ADA2: variants seen among roughly 807,000 people sequenced by gnomAD.
ADA2 encodes the protein adenosine deaminase CECR1.
In ADA2, 29 loss-of-function variants were observed where a neutral mutation model predicts 44.2. That is an observed-to-expected ratio of 0.66 (90% CI 0.49 to 0.89). ADA2 has a LOEUF of 0.89. ADA2 is among the 40% of genes least tolerant of loss of function. The probability of loss-of-function intolerance (pLI) is 0.00; values close to 1 mark genes in which losing one functional copy is unlikely to be tolerated. For synonymous variants in ADA2, 215 were observed against 234.9 expected (o/e 0.92, Z 0.77); for missense variants, 637 against 644.8 (o/e 0.99, Z 0.13).
chr22:17,188,576 CTTT>C, intron 6 of ADA2, 129 bp from the exon 7 acceptor site: 1 of 621,118 alleles, frequency 1.6e-6, no homozygotes, highest in Non-Finnish European at 2.8e-6. Flanking sequence ...GTCACACAGC[CTTT>C]TAAGAATGAC....
At chr22:17,185,001 T>TATATATATATATATATATATATATAG (rs2062019784) in intron 7 of ADA2, among the ~76,000 whole-genome samples, 1 of 134,502 alleles carries the variant, frequency 7.4e-6, no homozygotes, top group Non-Finnish European at 1.6e-5. Context: ...TATATATATA[T>TATATATATATATATATATATATATAG]ATATATGAAA....
rs948051197 is a variant in ADA2 at position 17,213,681 on chromosome 22, T to C, written c.-46-3958A>G. The C allele has an allele frequency of 9.0e-5, 23 of 254,266 alleles. 1 individual carries two copies. The highest frequency in any genetic ancestry group is 5.1e-4 in the Admixed American group (10 of 19,446). 15.8% of individuals were successfully genotyped at this position (254,266 alleles called of 1,614,324 possible). ...GGAGAAGCAGCACGGCCTGGACAAG[T>C]GGACCCCGGCCCGCGCAGCCTTTGA... On this transcript the variant is annotated intron_variant, in intron 1 of 9. Transcript: ENST00000399837.
At chr22:17,188,886 T>TATATATATATATATATATAC (rs1491152456) in intron 6 of ADA2, among the ~76,000 whole-genome samples, 1 of 59,590 alleles carries the variant, frequency 1.7e-5, no homozygotes, top group Non-Finnish European at 3.8e-5. Flanking sequence ...TATATATATA[T>TATATATATATATATATATAC]TTTGTAAAGA....
chr22:17,211,832 G>T (rs2062421536), intron 1 of ADA2, among the ~76,000 whole-genome samples: 1 of 151,798 alleles, frequency 6.6e-6, no homozygotes, highest in African/African-American at 2.4e-5. Context: ...GGAGCCTGAG[G>T]CAGGAGAATT....
chr22:17,199,126 C>G lies in ADA2; in HGVS notation c.753+4437G>C, dbSNP rs548290105. The stretch of plus-strand genomic sequence containing the variant: ...AAATGGGCACATCCCCTCCCCCTCC[C>G]CCTCCACCAGAATCCCAAATCCTAG... On this transcript the variant is annotated intron_variant, in intron 4 of 9. Coordinates refer to ENST00000399837, the MANE Select transcript of ADA2 (RefSeq NM_001282225.2). Among the ~76,000 whole-genome samples, 31 of 152,250 alleles carry G rather than the reference C, an allele frequency of 2.0e-4. No individual in the cohort carries two copies. The South Asian group carries it at 6.4e-3, about 32-fold the overall frequency.
intron 1 of ADA2, among the ~76,000 whole-genome samples, chr22:17,211,943 A>T (rs912709448): frequency 1.3e-5 from 2 of 151,316 alleles, no homozygotes; most frequent in African/African-American, 2.4e-5. Context: ...AGAGGAAAAA[A>T]AAATTAATTA....
intron 3 of ADA2, among the ~76,000 whole-genome samples, chr22:17,206,473 G>T (rs1259841321): frequency 6.6e-6 from 1 of 151,980 alleles, no homozygotes; most frequent in South Asian, 2.1e-4. Flanking sequence ...GCAAGACCCT[G>T]TCTCAAATAA....
chr22:17,186,924 T>TG (rs1568970406), intron 7 of ADA2, among the ~76,000 whole-genome samples: 2 of 151,146 alleles, frequency 1.3e-5, no homozygotes, highest in Non-Finnish European at 1.5e-5. Context: ...CCCAGCACTT[T>TG]GGGAGGCCTA....
At chr22:17,188,980 A>G (rs9606642) in intron 6 of ADA2, among the ~76,000 whole-genome samples, 112,965 of 143,980 alleles carry the variant, frequency 0.78, 45,084 homozygotes, top group Middle Eastern at 0.87. Context: ...AGGTGCTGGG[A>G]TTACAGGAGT....
At chr22:17,209,888 A>AT in intron 1 of ADA2, 165 bp from the exon 2 acceptor site, 11 of 504,962 alleles carry the variant, frequency 2.2e-5, no homozygotes, top group East Asian at 3.3e-5. Context: ...GGGGTTTCCC[A>AT]ATTTTTTTTT....
intron 7 of ADA2, among the ~76,000 whole-genome samples, chr22:17,184,255 C>A (rs1033979252): frequency 6.6e-6 from 1 of 152,090 alleles, no homozygotes; most frequent in African/African-American, 2.4e-5. Context: ...TGAGCCACCA[C>A]GCCCGGCCCC....
chr22:17,198,045 A>C (rs147787998), intron 4 of ADA2, among the ~76,000 whole-genome samples: 5,912 of 152,058 alleles, frequency 0.039, 184 homozygotes, highest in South Asian at 0.1. Flanking sequence ...TCTCAAAAAA[A>C]AAAAAAACAA....
chr22:17,203,161 A>G (rs939678738), intron 4 of ADA2, among the ~76,000 whole-genome samples: 1 of 152,138 alleles, frequency 6.6e-6, no homozygotes, highest in Non-Finnish European at 1.5e-5. Context: ...GTAATTTCCA[A>G]ATCCCATGGA....
At chr22:17,191,944 G>T in intron 4 of ADA2, 134 bp from the exon 5 acceptor site, 2 of 757,310 alleles carry the variant, frequency 2.6e-6, no homozygotes, top group South Asian at 2.1e-5. Context: ...CCCCTTCCCA[G>T]CCACCCTTGC....
In ADA2 at chr22:17,211,756, C is replaced by T. The variant is rs529951495; in HGVS notation, c.-46-2033G>A. ...CATCCTGGCCAACATGGTGAAACCC[C>T]GTCTCTACTGAAAATACAAAAATTA... is the stretch of plus-strand genomic sequence containing the variant. On this transcript the variant is annotated intron_variant, in intron 1 of 9. Coordinates refer to ENST00000399837, the MANE Select transcript of ADA2 (RefSeq NM_001282225.2). Among the ~76,000 whole-genome samples, 414 of 151,860 alleles carry T rather than the reference C, an allele frequency of 2.7e-3. 7 individuals are homozygous for T. Among genetic ancestry groups the T allele is most frequent in the Non-Finnish European group, 2.0e-3 (138 of 67,922 alleles).
At chr22:17,219,147 G>A (rs940526555) in intron 1 of ADA2, among the ~76,000 whole-genome samples, 1 of 152,216 alleles carries the variant, frequency 6.6e-6, no homozygotes, top group African/African-American at 2.4e-5. Context: ...CAGTGGAGTA[G>A]GCCACATGCA....
chr22:17,192,217 C>T (rs2062125542), intron 4 of ADA2, among the ~76,000 whole-genome samples: 1 of 152,082 alleles, frequency 6.6e-6, no homozygotes, highest in South Asian at 2.1e-4. Context: ...TGGGATAACC[C>T]TGATGCTGAT....
In ADA2 at chr22:17,194,400, C is replaced by T. The variant is rs370698170; in HGVS notation, c.754-2590G>A. On this transcript the variant is annotated intron_variant, in intron 4 of 9. Coordinates refer to ENST00000399837, the MANE Select transcript of ADA2 (RefSeq NM_001282225.2). ...GGGCCTCCCACACCCCTCCAGGCTG[C>T]GGCCATTGTGTGTCCTTTGTCTCTG... Among the ~76,000 whole-genome samples, 18 of 152,322 alleles carry T rather than the reference C, an allele frequency of 1.2e-4. No individual in the cohort carries two copies. In the East Asian group the frequency reaches 1.5e-3, roughly 13 times the overall value.
At chr22:17,194,433 C>G (rs1388105714) in intron 4 of ADA2, among the ~76,000 whole-genome samples, 1 of 152,152 alleles carries the variant, frequency 6.6e-6, no homozygotes, top group Non-Finnish European at 1.5e-5. Flanking sequence ...CTGGGCAGTC[C>G]CTCAGATCCC....
Sources: gnomAD v4.1 joint callset for allele counts (sites outside exome capture counted in the v4.1 genomes callset) on GRCh38, gnomAD v4.1.1 for gene constraint, MANE v1.5 for transcripts, NCBI Gene and HGNC (gene_info 2026-07-23, HGNC 2026-07-21) for gene names.